The following DGKB variants were observed in gnomAD, a reference collection of about 807,000 sequenced individuals.
DGKB encodes the protein diacylglycerol kinase beta, also known as 90 kDa diacylglycerol kinase.
In DGKB, 67 loss-of-function variants were observed where a neutral mutation model predicts 114.3. The observed-to-expected ratio is 0.59, with a 90% CI of 0.48 to 0.72. DGKB has a LOEUF of 0.72. DGKB is among the 30% of genes least tolerant of loss of function. The pLI is 0.00. For missense variants in DGKB, 907 were observed against 975.2 expected (o/e 0.93, Z 0.93); for synonymous variants, 398 against 323.1 (o/e 1.23, Z -2.49).
chr7:14,961,149 C>G (rs1038222713), intron 1 of DGKB, among the ~76,000 whole-genome samples: 1 of 152,034 alleles, frequency 6.6e-6, no homozygotes, highest in African/African-American at 2.4e-5. Flanking sequence ...ATAATGCTTT[C>G]TATTTCTGCT....
At chr7:14,848,478 C>T (rs1268998942) in intron 1 of DGKB, among the ~76,000 whole-genome samples, 2 of 152,028 alleles carry the variant, frequency 1.3e-5, no homozygotes, top group African/African-American at 2.4e-5. Context: ...TTGAGTTAAG[C>T]TTAGAGCTAA....
At chr7:14,303,632 C>G (rs1030809590) in intron 23 of DGKB, among the ~76,000 whole-genome samples, 2 of 151,980 alleles carry the variant, frequency 1.3e-5, no homozygotes, top group African/African-American at 4.8e-5. Context: ...AGTTCAAATG[C>G]ATCTAATGAA....
chr7:14,739,090 C>G (rs901197894), intron 4 of DGKB, among the ~76,000 whole-genome samples: 1 of 152,164 alleles, frequency 6.6e-6, no homozygotes, highest in African/African-American at 2.4e-5. Context: ...TCATTAAAAT[C>G]GCTGCCTGTA....
chr7:14,798,387 C>T (rs1442669518), intron 2 of DGKB, among the ~76,000 whole-genome samples: 1 of 152,174 alleles, frequency 6.6e-6, no homozygotes, highest in African/African-American at 2.4e-5. Flanking sequence ...CCTGTGTTGC[C>T]ATGCTTCAAG....
intron 20 of DGKB, among the ~76,000 whole-genome samples, chr7:14,491,237 T>C (rs1316704001): frequency 6.6e-6 from 1 of 152,074 alleles, no homozygotes; most frequent in East Asian, 1.9e-4. Context: ...TTCCCCTATA[T>C]TGTCCTCATG....
chr7:14,721,390 C>T (rs905904216), intron 5 of DGKB, among the ~76,000 whole-genome samples: 4 of 151,976 alleles, frequency 2.6e-5, no homozygotes, highest in South Asian at 2.1e-4. Context: ...TTTAGCATCA[C>T]GTTTTTGAAG....
chr7:14,247,839 T>C (rs1455524854), intron 23 of DGKB, among the ~76,000 whole-genome samples: 1 of 152,110 alleles, frequency 6.6e-6, no homozygotes, highest in East Asian at 1.9e-4. Flanking sequence ...TGTGCAGAGA[T>C]TTTTAGTTTG....
At chr7:14,438,222 G>A (rs1829566801) in intron 21 of DGKB, among the ~76,000 whole-genome samples, 1 of 152,018 alleles carries the variant, frequency 6.6e-6, no homozygotes, top group South Asian at 2.1e-4. Flanking sequence ...TTAAGAAAAT[G>A]GGGCTCAAGC....
At chr7:14,831,357 C>T (rs966572107) in intron 2 of DGKB, among the ~76,000 whole-genome samples, 1 of 151,980 alleles carries the variant, frequency 6.6e-6, no homozygotes, top group Non-Finnish European at 1.5e-5. Flanking sequence ...TGTTTCTGTA[C>T]ATTTCACAAG....
At chr7:14,713,424 G>GC (rs1827683860) in intron 6 of DGKB, among the ~76,000 whole-genome samples, 1 of 122,134 alleles carries the variant, frequency 8.2e-6, no homozygotes, top group Non-Finnish European at 1.9e-5. Flanking sequence ...TTTAAAAGCA[G>GC]AGGTGAAAAA....
intron 1 of DGKB, among the ~76,000 whole-genome samples, chr7:14,956,312 C>G (rs1024896143): frequency 3.3e-5 from 5 of 151,858 alleles, no homozygotes; most frequent in African/African-American, 1.2e-4. Context: ...TACAATGACT[C>G]CTATGTCCAC....
chr7:14,946,217 ACAG>A (rs1185212394), intron 1 of DGKB, among the ~76,000 whole-genome samples: 1 of 151,536 alleles, frequency 6.6e-6, no homozygotes, highest in Non-Finnish European at 1.5e-5. Context: ...TATAGGTTCT[ACAG>A]CATTTGTGCT....
chr7:14,742,276 G>GA (rs1297759466), intron 4 of DGKB, among the ~76,000 whole-genome samples: 1 of 152,108 alleles, frequency 6.6e-6, no homozygotes, highest in African/African-American at 2.4e-5. Context: ...ATTGGCAAAT[G>GA]AAAAATCTTA....
At chr7:14,669,991 C>T (rs1818678839) in intron 13 of DGKB, among the ~76,000 whole-genome samples, 1 of 151,994 alleles carries the variant, frequency 6.6e-6, no homozygotes. Context: ...TTTTCTTGTT[C>T]CCACCTTACA....
At chr7:14,596,410 C>G (rs773370872) in intron 17 of DGKB, among the ~76,000 whole-genome samples, 39 of 152,154 alleles carry the variant, frequency 2.6e-4, no homozygotes, top group Non-Finnish European at 4.7e-4. Flanking sequence ...CAGGCAGGCT[C>G]TGGACCATTT....
chr7:14,278,140 CA>C (rs1490649003), intron 23 of DGKB, among the ~76,000 whole-genome samples: 1 of 151,762 alleles, frequency 6.6e-6, no homozygotes, highest in Non-Finnish European at 1.5e-5. Flanking sequence ...ACAGAAAAAA[CA>C]CTCTTTAAAT....
intron 2 of DGKB, among the ~76,000 whole-genome samples, chr7:14,818,587 A>G (rs1039627034): frequency 2.0e-5 from 3 of 152,214 alleles, no homozygotes; most frequent in African/African-American, 7.2e-5. Context: ...AAGGAACTAT[A>G]GAACAGCTAC....
intron 17 of DGKB, among the ~76,000 whole-genome samples, chr7:14,604,023 A>T (rs949586024): frequency 6.6e-6 from 1 of 152,180 alleles, no homozygotes; most frequent in Non-Finnish European, 1.5e-5. Context: ...GAAGGAAAAC[A>T]TATTGTTATA....
chr7:14,746,410 G>A (rs1833291597), intron 4 of DGKB, among the ~76,000 whole-genome samples: 1 of 152,156 alleles, frequency 6.6e-6, no homozygotes, highest in Admixed American at 6.5e-5. Context: ...ATACACTTGG[G>A]CACATAATAT....
Sources: allele counts gnomAD v4.1 joint callset (sites outside exome capture counted in the v4.1 genomes callset), GRCh38; gene constraint gnomAD v4.1.1; transcripts MANE v1.5; gene names NCBI Gene and HGNC (gene_info 2026-07-23, HGNC 2026-07-21).